Variants in COG5 observed in about 807,000 individuals in gnomAD.
COG5 encodes conserved oligomeric Golgi complex subunit 5.
COG5 carries 86 observed loss-of-function variants against 110.4 expected under a neutral mutation model. The observed-to-expected ratio is 0.78, with a 90% confidence interval of 0.65 to 0.93. The LOEUF is 0.93. COG5 is among the 40% of genes least tolerant of loss of function. The pLI is 0.00. For missense variants in COG5, 1,077 were observed against 987.0 expected, an observed-to-expected ratio of 1.09 and a Z score of -1.22; for synonymous variants, 360 against 334.6, an observed-to-expected ratio of 1.08 and a Z score of -0.83.
chr7:107,471,755 G>C (rs1563053964), intron 6 of COG5: 6 of 151,958 alleles, frequency 3.9e-5, no homozygotes. Flanking sequence ...GAAGATTTAG[G>C]AAGTGTTTTC....
chr7:107,444,543 T>C (rs913189416), intron 6 of COG5, among the ~76,000 whole-genome samples: 2 of 152,190 alleles, frequency 1.3e-5, no homozygotes, highest in African/African-American at 4.8e-5. Context: ...TTAATGAAAC[T>C]TGTTCTAATT....
chr7:107,398,674 G>T (rs1205144976), intron 7 of COG5, among the ~76,000 whole-genome samples: 2 of 152,116 alleles, frequency 1.3e-5, no homozygotes, highest in African/African-American at 4.8e-5. Context: ...CTAAATAAAA[G>T]ATTGTGCTAA....
At chr7:107,440,457 T>C (rs1371486623) in intron 6 of COG5, among the ~76,000 whole-genome samples, 1 of 152,090 alleles carries the variant, frequency 6.6e-6, no homozygotes, top group Non-Finnish European at 1.5e-5. Context: ...GTCCCAAATA[T>C]TGTATCAGGT....
intron 11 of COG5, among the ~76,000 whole-genome samples, chr7:107,301,593 C>T (rs980942678): frequency 2.0e-5 from 3 of 152,118 alleles, no homozygotes; most frequent in African/African-American, 7.2e-5. Flanking sequence ...ACACCACAGC[C>T]GAACACAGTG....
intron 5 of COG5, among the ~76,000 whole-genome samples, chr7:107,536,371 CCAT>C (rs1801584428): frequency 6.6e-6 from 1 of 152,160 alleles, no homozygotes; most frequent in Admixed American, 6.5e-5. Flanking sequence ...ATAGAAAACT[CCAT>C]CGTCTCAGCC....
intron 6 of COG5, among the ~76,000 whole-genome samples, chr7:107,457,838 A>G (rs1563046769): frequency 1.3e-5 from 2 of 152,230 alleles, no homozygotes; most frequent in Admixed American, 6.5e-5. Flanking sequence ...AAACAAAAAC[A>G]ACAAATAACA....
chr7:107,548,395 T>C (rs1802629920), intron 3 of COG5, 63 bp from the exon 4 acceptor site: 3 of 1,458,918 alleles, frequency 2.1e-6, no homozygotes, highest in Admixed American at 1.7e-5. Flanking sequence ...GGGTAAATAG[T>C]TAAATTAAAA....
chr7:107,248,150 A>G (rs552320268), intron 17 of COG5, among the ~76,000 whole-genome samples: 1 of 152,312 alleles, frequency 6.6e-6, no homozygotes, highest in East Asian at 1.9e-4. Context: ...AAATGTATGC[A>G]CATGTAACGT....
intron 7 of COG5, among the ~76,000 whole-genome samples, chr7:107,406,867 T>C (rs1355007492): frequency 6.6e-6 from 1 of 152,174 alleles, no homozygotes; most frequent in Non-Finnish European, 1.5e-5. Flanking sequence ...TTTTAGGTAG[T>C]ATATATACAT....
intron 14 of COG5, among the ~76,000 whole-genome samples, chr7:107,268,438 A>G (rs1803978388): frequency 6.6e-6 from 1 of 152,222 alleles, no homozygotes; most frequent in African/African-American, 2.4e-5. Context: ...CCTGATCGAA[A>G]GCAGGAATTC....
intron 6 of COG5, among the ~76,000 whole-genome samples, chr7:107,522,488 A>T (rs751709183): frequency 6.6e-6 from 1 of 152,128 alleles, no homozygotes; most frequent in East Asian, 1.9e-4. Context: ...CAACAACAAC[A>T]AAACCTAGAT....
At chr7:107,557,892 C>T (rs1803441245) in intron 2 of COG5, 84 bp downstream of exon 2, 1 of 1,470,818 alleles carries the variant, frequency 6.8e-7, no homozygotes, top group East Asian at 2.3e-5. Context: ...TGTAAATATG[C>T]ATTTGTATTT....
chr7:107,376,290 T>C (rs890315498), intron 7 of COG5, among the ~76,000 whole-genome samples: 2 of 152,026 alleles, frequency 1.3e-5, no homozygotes, highest in Admixed American at 6.5e-5. Context: ...AATTTCAAAA[T>C]TGGCTTGACA....
chr7:107,215,745 G>C (rs1266447472), intron 19 of COG5, among the ~76,000 whole-genome samples: 1 of 151,068 alleles, frequency 6.6e-6, no homozygotes, highest in Non-Finnish European at 1.5e-5. Flanking sequence ...TTTTGAGACG[G>C]AGTCTTGCTT....
intron 6 of COG5, among the ~76,000 whole-genome samples, chr7:107,440,179 C>A (rs747699374): frequency 6.6e-6 from 1 of 152,114 alleles, no homozygotes; most frequent in South Asian, 2.1e-4. Context: ...TTCTTTTAAT[C>A]TTCTTGAGAG....
rs145400454 is a variant in COG5, at chr7:107,324,451, A to G, written c.1097T>C (p.Met366Thr). Residue 366 changes from methionine to threonine, a missense_variant, in exon 11 of 22, where the codon ATG becomes ACG. By Grantham distance (81) the Met-to-Thr change is moderately conservative (BLOSUM62 -1). Transcript: ENST00000297135. ...AGTAGTAAACTTACAGTTTGTTGCCATATGAAATTGAGAAGAAAGTGCCTG... is the reference window on the plus strand; with the variant it reads ...AGTAGTAAACTTACAGTTTGTTGCCGTATGAAATTGAGAAGAAAGTGCCTG... ...VTQALSSQFH[M>T]ATNSSMFLKQ... 2 of 1,588,324 alleles carry G rather than the reference A, an allele frequency of 1.3e-6. No homozygotes were observed. The highest frequency in any genetic ancestry group is 1.7e-6 in the Non-Finnish European group (2 of 1,160,192).
chr7:107,386,289 G>A (rs954253484), intron 7 of COG5, among the ~76,000 whole-genome samples: 5 of 151,846 alleles, frequency 3.3e-5, no homozygotes, highest in African/African-American at 9.7e-5. Context: ...TCAAGGAGTC[G>A]GGGCCGGGGT....
chr7:107,258,502 C>G (rs2116625714), intron 14 of COG5, 119 bp from the exon 15 acceptor site: 1 of 733,556 alleles, frequency 1.4e-6, no homozygotes, highest in East Asian at 2.6e-5. Context: ...GGGAGAAGTT[C>G]ATGCCCCTCT....
At chr7:107,386,503 C>G (rs191413633) in intron 7 of COG5, among the ~76,000 whole-genome samples, 1 of 152,090 alleles carries the variant, frequency 6.6e-6, no homozygotes. Flanking sequence ...TGAAAAGCAC[C>G]GCGCAGTCAG....
Sources: gnomAD v4.1 joint callset for allele counts (sites outside exome capture counted in the v4.1 genomes callset) on GRCh38, gnomAD v4.1.1 for gene constraint, MANE v1.5 for transcripts, NCBI Gene and HGNC (gene_info 2026-07-23, HGNC 2026-07-21) for gene names.